Variants in GRM7 observed in about 807,000 individuals in gnomAD.
GRM7 encodes glutamate metabotropic receptor 7, also known as metabotropic glutamate receptor 7.
In GRM7, 35 loss-of-function variants were observed where a neutral mutation model predicts 84.5. The observed-to-expected ratio is 0.41, with a 90% CI of 0.32 to 0.55. GRM7 has a LOEUF of 0.55. GRM7 is among the 20% of genes least tolerant of loss of function. The pLI is 0.19. For synonymous variants in GRM7, 487 were observed against 455.1 expected (o/e 1.07, Z -0.89); for missense variants, 1,003 against 1,194.6 (o/e 0.84, Z 2.36).
intron 5 of GRM7, among the ~76,000 whole-genome samples, chr3:7,433,292 G>A (rs1405566516): frequency 6.6e-6 from 1 of 152,184 alleles, no homozygotes; most frequent in Non-Finnish European, 1.5e-5. Context: ...GAGTTATTTG[G>A]CATAATAGTG....
chr3:6,887,458 C>T (rs1383616369), intron 1 of GRM7, among the ~76,000 whole-genome samples: 1 of 151,798 alleles, frequency 6.6e-6, no homozygotes, highest in Non-Finnish European at 1.5e-5. Flanking sequence ...TCAATTCCCA[C>T]CTATGAGTGA....
chr3:7,719,779 A>AACACACACACACACACACACAC (rs71043692), intron 9 of GRM7, among the ~76,000 whole-genome samples: 4 of 133,442 alleles, frequency 3.0e-5, no homozygotes, highest in Admixed American at 7.6e-5. Flanking sequence ...ACCACTGGGC[A>AACACACACACACACACACACAC]ACACACACAC....
intron 2 of GRM7, among the ~76,000 whole-genome samples, chr3:7,248,060 A>G (rs1008075236): frequency 5.9e-5 from 9 of 152,154 alleles, no homozygotes; most frequent in Non-Finnish European, 1.3e-4. Flanking sequence ...AATATGTTTG[A>G]TAGTTTTTTA....
At chr3:7,591,582 A>ATGTT in intron 8 of GRM7, 1 of 383,912 alleles carries the variant, frequency 2.6e-6, no homozygotes, top group East Asian at 7.6e-5. Flanking sequence ...AGGTACCAGA[A>ATGTT]TGTTCACGAG....
intron 1 of GRM7, among the ~76,000 whole-genome samples, chr3:6,963,195 T>C (rs1693367917): frequency 6.6e-6 from 1 of 152,180 alleles, no homozygotes; most frequent in Non-Finnish European, 1.5e-5. Flanking sequence ...GCTCTGCAAT[T>C]TTGCCAGGAG....
At chr3:7,713,370 C>G (rs559585869) in intron 9 of GRM7, among the ~76,000 whole-genome samples, 15 of 152,028 alleles carry the variant, frequency 9.9e-5, no homozygotes, top group Admixed American at 2.6e-4. Context: ...CTCCTGACCT[C>G]AAGTGATCCC....
intron 8 of GRM7, among the ~76,000 whole-genome samples, chr3:7,594,213 T>A (rs1033106585): frequency 2.8e-4 from 43 of 152,140 alleles, no homozygotes; most frequent in Non-Finnish European, 1.5e-5. Context: ...CTCCTAGGCT[T>A]TTTAAAAAAA....
At position 7,661,794 on chromosome 3, in the gene GRM7, C is replaced by CAAAAAAAAAAAAAAAAAAAA. The variant is rs71043686; in HGVS notation, c.2452-18248_2452-18229dup. ...GGGCCACAGAGCGAGGTCTCCGTCT[C>CAAAAAAAAAAAAAAAAAAAA]AAAAAAAAAAAAAAAAAAAAAAAAA... On this transcript the variant is annotated intron_variant, in intron 8 of 9. Coordinates refer to ENST00000357716, the MANE Select transcript of GRM7 (RefSeq NM_000844.4). Among the ~76,000 whole-genome samples, 24 of 28,196 alleles carry CAAAAAAAAAAAAAAAAAAAA rather than the reference C, an allele frequency of 8.5e-4. 1 individual carries two copies. The highest frequency in any genetic ancestry group is 2.0e-3 in the African/African-American group (13 of 6,634). 18.5% of individuals were successfully genotyped at this position (28,196 alleles called of 152,430 possible).
At chr3:7,691,751 C>T (rs1261367731) in intron 9 of GRM7, among the ~76,000 whole-genome samples, 1 of 152,170 alleles carries the variant, frequency 6.6e-6, no homozygotes, top group African/African-American at 2.4e-5. Flanking sequence ...ACGTCTGCCT[C>T]CTGGGTTCAA....
intron 1 of GRM7, among the ~76,000 whole-genome samples, chr3:7,047,440 G>A (rs1003034495): frequency 2.6e-5 from 4 of 151,998 alleles, no homozygotes; most frequent in African/African-American, 7.2e-5. Context: ...TAATGGAGTC[G>A]TATAGTCCAA....
chr3:7,648,401 C>G (rs1698759078), intron 8 of GRM7, among the ~76,000 whole-genome samples: 1 of 151,932 alleles, frequency 6.6e-6, no homozygotes, highest in Non-Finnish European at 1.5e-5. Flanking sequence ...AATCCTAGCA[C>G]TTTAGGAGGC....
At chr3:7,366,617 A>C (rs897470331) in intron 4 of GRM7, among the ~76,000 whole-genome samples, 7 of 151,858 alleles carry the variant, frequency 4.6e-5, no homozygotes, top group Non-Finnish European at 1.0e-4. Context: ...CATACCCTGA[A>C]TTTAATACCC....
intron 8 of GRM7, among the ~76,000 whole-genome samples, chr3:7,634,296 T>A (rs1188605529): frequency 6.6e-6 from 1 of 152,110 alleles, no homozygotes; most frequent in Non-Finnish European, 1.5e-5. Flanking sequence ...GTTGATCAAC[T>A]AAATTGTCAC....
In GRM7 at chr3:7,151,112, C is replaced by T. The variant is rs1694274630; in HGVS notation, c.736+4444C>T. Reference sequence around the variant, plus strand: ...AAGTAATTATTATTATTCAGATAAACTCTAGAATTTATTTTTAATTAATAC... The same window carrying T: ...AAGTAATTATTATTATTCAGATAAATTCTAGAATTTATTTTTAATTAATAC... On this transcript the variant is annotated intron_variant, in intron 2 of 9. Transcript: ENST00000357716. This position sits in a 1 kb window ranked among gnomAD's most constrained non-coding sequence, Gnocchi z 4.5. 1.3e-5 allele frequency among the ~76,000 whole-genome samples: 2 copies of T among 151,872 alleles called. No homozygotes were observed. Among genetic ancestry groups the T allele is most frequent in the African/African-American group, 4.8e-5 (2 of 41,274 alleles).
At chr3:6,931,176 G>C (rs1183447050) in intron 1 of GRM7, among the ~76,000 whole-genome samples, 3 of 152,210 alleles carry the variant, frequency 2.0e-5, no homozygotes, top group Non-Finnish European at 2.9e-5. Context: ...GGAAGTGCAA[G>C]ACAGTATCAT....
At chr3:7,152,973 G>A (rs12485585) in intron 2 of GRM7, among the ~76,000 whole-genome samples, 38,661 of 151,800 alleles carry the variant, frequency 0.25, 5,407 homozygotes, top group Non-Finnish European at 0.32. Flanking sequence ...AGGCTGGGGC[G>A]ATGGAAAACC....
At chr3:7,278,582 T>C (rs1045424160) in intron 2 of GRM7, among the ~76,000 whole-genome samples, 6 of 152,182 alleles carry the variant, frequency 3.9e-5, no homozygotes, top group Non-Finnish European at 8.8e-5. Context: ...ATATATTCAT[T>C]GATCTAAAAA....
At chr3:6,906,705 A>T (rs1251325220) in intron 1 of GRM7, among the ~76,000 whole-genome samples, 7 of 152,156 alleles carry the variant, frequency 4.6e-5, no homozygotes, top group African/African-American at 1.7e-4. Context: ...ATTTTCAAGG[A>T]GTATAATATA....
chr3:6,872,375 C>G (rs1695151215), intron 1 of GRM7, among the ~76,000 whole-genome samples: 1 of 152,168 alleles, frequency 6.6e-6, no homozygotes, highest in Non-Finnish European at 1.5e-5. Context: ...TACTCTCAGT[C>G]TTGCTCTTTG....
Sources: allele counts gnomAD v4.1 joint callset (sites outside exome capture counted in the v4.1 genomes callset), GRCh38; gene constraint gnomAD v4.1.1; non-coding constraint Gnocchi (gnomAD v3.1); transcripts MANE v1.5; gene names NCBI Gene and HGNC (gene_info 2026-07-23, HGNC 2026-07-21).